Variants in XKR4 observed in about 807,000 individuals in gnomAD.
The protein encoded by XKR4 is XK-related protein 4.
In XKR4, 12 loss-of-function variants were observed where a neutral mutation model predicts 53.9. The observed-to-expected ratio is 0.22, with a 90% CI of 0.14 to 0.36. XKR4 has a LOEUF of 0.36. Ranked by LOEUF, XKR4 falls within the 10% of genes least tolerant of loss-of-function variation. The probability of loss-of-function intolerance (pLI) is 1.00; values close to 1 mark genes in which losing one functional copy is unlikely to be tolerated. For missense variants in XKR4, 799 were observed against 859.5 expected (o/e 0.93, Z 0.88); for synonymous variants, 354 against 362.4 (o/e 0.98, Z 0.26).
intron 2 of XKR4, among the ~76,000 whole-genome samples, chr8:55,410,757 A>G (rs2929002): frequency 1 from 152,245 of 152,270 alleles, 76,110 homozygotes; most frequent in Non-Finnish European, 1. Context: ...CAGGTGTCTC[A>G]TGACACTCTT....
rs1158983988 is a variant in XKR4, at chr8:55,211,061, T to C, written c.806+107767T>C. ...TAATCAAGGCCCTGGTCATGTTCCC[T>C]TATCTGTGCCTGCAACTTGATTTTT... is the stretch of plus-strand genomic sequence containing the variant. On this transcript the variant is annotated intron_variant, in intron 1 of 2. Transcript: ENST00000327381. 3.3e-5 allele frequency among the ~76,000 whole-genome samples: 5 copies of C among 152,218 alleles called. No homozygotes were observed. In the South Asian group the frequency reaches 1.0e-3, roughly 32 times the overall value.
chr8:55,521,815 C>G (rs894236896), intron 2 of XKR4, among the ~76,000 whole-genome samples: 1 of 152,192 alleles, frequency 6.6e-6, no homozygotes, highest in Non-Finnish European at 1.5e-5. Context: ...TCATAGACAA[C>G]AGCTCTTCCC....
intron 2 of XKR4, among the ~76,000 whole-genome samples, chr8:55,501,561 C>T (rs1463904215): frequency 7.9e-5 from 12 of 152,110 alleles, no homozygotes; most frequent in Non-Finnish European, 1.6e-4. Flanking sequence ...CCATATTTGT[C>T]TTTTTGTGAC....
intron 2 of XKR4, among the ~76,000 whole-genome samples, chr8:55,378,284 G>C (rs190534899): frequency 9.2e-5 from 14 of 152,340 alleles, no homozygotes; most frequent in Admixed American, 3.3e-4. Context: ...TTAATGGTCA[G>C]AGTCAGCAGT....
intron 1 of XKR4, among the ~76,000 whole-genome samples, chr8:55,278,108 G>T (rs1818789423): frequency 6.6e-6 from 1 of 151,992 alleles, no homozygotes; most frequent in Admixed American, 6.6e-5. Context: ...GGTGAGGTGG[G>T]TGCATCACTT....
intron 1 of XKR4, among the ~76,000 whole-genome samples, chr8:55,292,376 G>A (rs951133734): frequency 6.6e-6 from 1 of 151,990 alleles, no homozygotes; most frequent in African/African-American, 2.4e-5. Flanking sequence ...ATATGGGTGA[G>A]TTATAGTGGT....
At chr8:55,200,134 G>A (rs1047131871) in intron 1 of XKR4, among the ~76,000 whole-genome samples, 7 of 152,044 alleles carry the variant, frequency 4.6e-5, no homozygotes, top group African/African-American at 7.2e-5. Flanking sequence ...GCACAATCTC[G>A]GCTCACAGCT....
chr8:55,391,353 G>T (rs1232414464), intron 2 of XKR4, among the ~76,000 whole-genome samples: 1 of 152,134 alleles, frequency 6.6e-6, no homozygotes, highest in African/African-American at 2.4e-5. Context: ...ATTGGAATCA[G>T]CCCAAATGTC....
intron 1 of XKR4, among the ~76,000 whole-genome samples, chr8:55,338,764 C>G (rs1276337905): frequency 6.6e-6 from 1 of 152,166 alleles, no homozygotes; most frequent in Non-Finnish European, 1.5e-5. Context: ...TGAAGCTCCT[C>G]AACCAAATTA....
intron 2 of XKR4, chr8:55,454,325 GGT>G: frequency 6.7e-7 from 1 of 1,497,358 alleles, no homozygotes; most frequent in Non-Finnish European, 9.3e-7. Flanking sequence ...GAAGGGCGTG[GGT>G]GTGCTGAGGG....
intron 1 of XKR4, among the ~76,000 whole-genome samples, chr8:55,118,733 T>A (rs957210338): frequency 2.0e-5 from 3 of 152,252 alleles, no homozygotes; most frequent in African/African-American, 7.2e-5. Context: ...AACTTTATTC[T>A]GGTCCTTATT....
chr8:55,137,501 A>G (rs1440302161), intron 1 of XKR4, among the ~76,000 whole-genome samples: 2 of 152,122 alleles, frequency 1.3e-5, no homozygotes, highest in Non-Finnish European at 2.9e-5. Context: ...AATATCTGAA[A>G]TTAATAATCT....
At chr8:55,178,332 T>C (rs1457182436) in intron 1 of XKR4, among the ~76,000 whole-genome samples, 1 of 152,168 alleles carries the variant, frequency 6.6e-6, no homozygotes, top group Non-Finnish European at 1.5e-5. Flanking sequence ...TATTGTGTGA[T>C]CTTGGGCTGA....
chr8:55,391,579 G>A (rs1351832951), intron 2 of XKR4, among the ~76,000 whole-genome samples: 1 of 151,984 alleles, frequency 6.6e-6, no homozygotes, highest in Non-Finnish European at 1.5e-5. Context: ...TCTTATGTTT[G>A]CAAAAGCAAA....
intron 2 of XKR4, among the ~76,000 whole-genome samples, chr8:55,358,225 C>G (rs568893434): frequency 3.9e-5 from 6 of 152,184 alleles, no homozygotes; most frequent in Non-Finnish European, 7.4e-5. Context: ...GTAACTCTCT[C>G]TCTCTGTCTC....
chr8:55,410,905 A>C (rs1321831920), intron 2 of XKR4, among the ~76,000 whole-genome samples: 1 of 152,038 alleles, frequency 6.6e-6, no homozygotes, highest in Non-Finnish European at 1.5e-5. Context: ...CACTGTGGGC[A>C]TGCTGCTCCC....
intron 1 of XKR4, among the ~76,000 whole-genome samples, chr8:55,297,436 G>A (rs1233171063): frequency 6.6e-6 from 1 of 152,176 alleles, no homozygotes; most frequent in Admixed American, 6.6e-5. Context: ...ACTCAATGGA[G>A]GTTGAAACAG....
At chr8:55,159,270 C>T (rs1020141002) in intron 1 of XKR4, among the ~76,000 whole-genome samples, 4 of 152,148 alleles carry the variant, frequency 2.6e-5, no homozygotes, top group African/African-American at 4.8e-5. Flanking sequence ...AATCCACAAA[C>T]ATTTATTGAA....
At chr8:55,395,122 T>C (rs986350134) in intron 2 of XKR4, among the ~76,000 whole-genome samples, 13 of 152,118 alleles carry the variant, frequency 8.5e-5, no homozygotes, top group African/African-American at 2.4e-4. Flanking sequence ...TGTGCAATCT[T>C]TCCACCTCAG....
Sources: allele counts gnomAD v4.1 joint callset (sites outside exome capture counted in the v4.1 genomes callset), GRCh38; gene constraint gnomAD v4.1.1; transcripts MANE v1.5; gene names NCBI Gene and HGNC (gene_info 2026-07-23, HGNC 2026-07-21).